The following TJP1 variants were observed in gnomAD, a reference collection of about 807,000 sequenced individuals.
TJP1 encodes tight junction protein 1.
In TJP1, 43 loss-of-function variants were observed where a neutral mutation model predicts 194.2. The ratio of observed to expected loss-of-function variants is 0.22; its 90% CI spans 0.17 to 0.29. The LOEUF (loss-of-function observed/expected upper bound fraction) is 0.29. TJP1 is among the 10% of genes least tolerant of loss of function. TJP1 has a pLI of 1.00. For synonymous variants in TJP1, 801 were observed against 779.0 expected (o/e 1.03, Z -0.47); for missense variants, 1,971 against 2,185.7 (o/e 0.90, Z 1.96).
chr15:29,950,646 C>T (rs73373104), intron 2 of TJP1, among the ~76,000 whole-genome samples: 8,232 of 152,262 alleles, frequency 0.054, 690 homozygotes, highest in African/African-American at 0.18. Flanking sequence ...GGGCCAGTCC[C>T]TTCCACAGAA....
chr15:29,763,435 T>C (rs1173499011), intron 5 of TJP1, among the ~76,000 whole-genome samples: 1 of 152,124 alleles, frequency 6.6e-6, no homozygotes, highest in Non-Finnish European at 1.5e-5. Flanking sequence ...TGTTTTAACA[T>C]GGGATAAATT....
intron 2 of TJP1, among the ~76,000 whole-genome samples, chr15:29,838,360 G>A (rs971831049): frequency 6.6e-6 from 1 of 152,184 alleles, no homozygotes; most frequent in South Asian, 2.1e-4. Flanking sequence ...AGGAGGCAGA[G>A]GTTGCAGTGA....
At chr15:29,953,945 G>T (rs1470923825) in intron 2 of TJP1, among the ~76,000 whole-genome samples, 1 of 152,118 alleles carries the variant, frequency 6.6e-6, no homozygotes. Context: ...AGAACATACA[G>T]CTCCTCCCTG....
At chr15:29,817,729 C>G (rs1007550110) in intron 1 of TJP1, among the ~76,000 whole-genome samples, 1 of 152,204 alleles carries the variant, frequency 6.6e-6, no homozygotes, top group Non-Finnish European at 1.5e-5. Flanking sequence ...CAAACTAACA[C>G]CAGAACAGAA....
chr15:29,941,255 C>T (rs775844017), intron 2 of TJP1, among the ~76,000 whole-genome samples: 2 of 152,170 alleles, frequency 1.3e-5, no homozygotes, highest in South Asian at 2.1e-4. Flanking sequence ...CTCCCCTGTT[C>T]GCTTCTTCAG....
intron 18 of TJP1, among the ~76,000 whole-genome samples, chr15:29,721,485 G>A (rs916103129): frequency 1.3e-5 from 2 of 152,150 alleles, no homozygotes; most frequent in Non-Finnish European, 2.9e-5. Context: ...TGTACAGCCT[G>A]CAGAACTGTG....
intron 2 of TJP1, among the ~76,000 whole-genome samples, chr15:29,862,613 C>T (rs1159769172): frequency 2.6e-5 from 4 of 151,498 alleles, no homozygotes; most frequent in Non-Finnish European, 5.9e-5. Context: ...GCTGCATTTG[C>T]CCTTGGGAGG....
rs567011741 is a variant in TJP1, at chr15:29,937,705, G to C, written c.306+18527C>G. 2.6e-5 allele frequency among the ~76,000 whole-genome samples: 4 copies of C among 152,304 alleles called. No individual in the cohort carries two copies. In the South Asian group the frequency reaches 8.3e-4, roughly 32 times the overall value. On this transcript the variant is annotated intron_variant, in intron 2 of 28. Transcript: ENST00000356107. ...TTCACACAATCCTCATTTGGAGAAT[G>C]AGTCAAGAAGGGCAGCAGCGCGACC...
chr15:29,907,561 G>A (rs893264965), intron 2 of TJP1, among the ~76,000 whole-genome samples: 5 of 152,032 alleles, frequency 3.3e-5, no homozygotes, highest in South Asian at 2.1e-4. Context: ...TCTTATATTC[G>A]CCAACATTTC....
intron 4 of TJP1, among the ~76,000 whole-genome samples, chr15:29,769,332 T>C (rs968853261): frequency 2.0e-5 from 3 of 152,202 alleles, no homozygotes; most frequent in African/African-American, 7.2e-5. Context: ...TTAAGACCTG[T>C]TGAAAACTGA....
At chr15:29,953,112 CT>C (rs1237516730) in intron 2 of TJP1, among the ~76,000 whole-genome samples, 2 of 146,598 alleles carry the variant, frequency 1.4e-5, no homozygotes, top group Non-Finnish European at 3.0e-5. Context: ...TGTAGCCCCC[CT>C]CTTCCTTCTT....
rs540087666 is a variant in TJP1, at chr15:29,820,393, G to C, written c.27+1609C>G. On this transcript the variant is annotated intron_variant, in intron 1 of 27. Coordinates refer to ENST00000614355, the MANE Select transcript of TJP1 (RefSeq NM_001330239.4). ...CCATAATACAGCATCTTAAAAAAAA[G>C]CTTTCAACTTGCCCTTTACTCGCAA... 8.8e-5 allele frequency: 55 copies of C among 624,058 alleles called. No homozygotes were observed. In the African/African-American group the frequency reaches 9.3e-4, roughly 11 times the overall value. The allele number at this position is 624,058 out of a possible 1,614,324, so 38.7% of individuals were successfully genotyped here. A position where few individuals can be genotyped will look rare whatever the true frequency, so the allele number is the denominator to read the frequency against.
intron 1 of TJP1, among the ~76,000 whole-genome samples, chr15:29,806,477 C>G (rs1300891581): frequency 6.6e-6 from 1 of 152,136 alleles, no homozygotes; most frequent in East Asian, 1.9e-4. Flanking sequence ...ATGCAGTTCC[C>G]CATTAGGAAA....
At chr15:29,762,913 T>C (rs2046098552) in intron 5 of TJP1, among the ~76,000 whole-genome samples, 1 of 152,170 alleles carries the variant, frequency 6.6e-6, no homozygotes, top group Non-Finnish European at 1.5e-5. Context: ...AGAGATATAA[T>C]TCTAAAGAGT....
In TJP1 at chr15:29,833,857, GTA is replaced by G. The variant is rs71416436; in HGVS notation, c.307-33157_307-33156del. Among the ~76,000 whole-genome samples, 72 of 25,862 alleles carry G rather than the reference GTA, an allele frequency of 2.8e-3. 4 individuals are homozygous for G. Among genetic ancestry groups the G allele is most frequent in the African/African-American group, 5.9e-3 (46 of 7,774 alleles). 17.0% of individuals were successfully genotyped at this position (25,862 alleles called of 152,430 possible). On this transcript the variant is annotated intron_variant, in intron 2 of 28. Coordinates refer to the TJP1 transcript ENST00000356107. Reference sequence around the variant, plus strand: ...TAAAGATGCAATATAATTTTTGTAAGTATATATATATATATATATATATATTT... The same window carrying G: ...TAAAGATGCAATATAATTTTTGTAAGTATATATATATATATATATATATTT...
intron 2 of TJP1, among the ~76,000 whole-genome samples, chr15:29,836,608 T>C (rs1385707733): frequency 6.6e-6 from 1 of 152,066 alleles, no homozygotes; most frequent in East Asian, 1.9e-4. Flanking sequence ...TGGGACACAG[T>C]GATAATGACA....
At chr15:29,952,365 A>G (rs773686794) in intron 2 of TJP1, among the ~76,000 whole-genome samples, 1 of 152,214 alleles carries the variant, frequency 6.6e-6, no homozygotes, top group Non-Finnish European at 1.5e-5. Flanking sequence ...TAGGATGCCA[A>G]TCAATTATCC....
chr15:29,852,160 A>G (rs1193854379), intron 2 of TJP1, among the ~76,000 whole-genome samples: 2 of 152,238 alleles, frequency 1.3e-5, no homozygotes, highest in Non-Finnish European at 2.9e-5. Flanking sequence ...TTGTTCTGCT[A>G]AAGAGCTGTG....
chr15:29,806,558 T>C (rs76957699), intron 1 of TJP1, among the ~76,000 whole-genome samples: 2 of 152,366 alleles, frequency 1.3e-5, no homozygotes, highest in East Asian at 3.9e-4. Flanking sequence ...GCTGCTACAC[T>C]GAACGGCTTC....
Sources: gnomAD v4.1 joint callset for allele counts (sites outside exome capture counted in the v4.1 genomes callset) on GRCh38, gnomAD v4.1.1 for gene constraint, MANE v1.5 for transcripts, NCBI Gene and HGNC (gene_info 2026-07-23, HGNC 2026-07-21) for gene names.